Variants in SGCD observed in about 807,000 individuals in gnomAD.
SGCD encodes sarcoglycan delta.
A neutral mutation model predicts 36.6 loss-of-function variants in SGCD; 18 were observed. The ratio of observed to expected loss-of-function variants is 0.49; its 90% confidence interval spans 0.34 to 0.73. The LOEUF is 0.73. Among genes scored for constraint, SGCD ranks in the 30% least tolerant of loss-of-function variants. The pLI is 0.01. For synonymous variants in SGCD, 133 were observed against 130.6 expected (o/e 1.02, Z -0.12); for missense variants, 387 against 346.7 (o/e 1.12, Z -0.92).
chr5:156,505,283 G>T (rs1170703637), intron 3 of SGCD, among the ~76,000 whole-genome samples: 1 of 152,226 alleles, frequency 6.6e-6, no homozygotes, highest in African/African-American at 2.4e-5. Context: ...TCTTGGCAGA[G>T]CTGTCTCCAT....
At chr5:156,320,097 ATGTGTGTGTGTGTGTG>A (rs10535885) in intron 3 of SGCD, among the ~76,000 whole-genome samples, 2 of 146,198 alleles carry the variant, frequency 1.4e-5, no homozygotes, top group South Asian at 2.2e-4. Flanking sequence ...AGCCTTTGAT[ATGTGTGTGTGTGTGTG>A]TGTGTGTGTG....
chr5:155,979,928 A>T (rs533851442), intron 1 of SGCD, among the ~76,000 whole-genome samples: 1 of 152,274 alleles, frequency 6.6e-6, no homozygotes, highest in South Asian at 2.1e-4. Flanking sequence ...ATATGCATTT[A>T]TATGAATGGT....
At chr5:156,051,317 AT>A (rs1759910208) in intron 1 of SGCD, among the ~76,000 whole-genome samples, 1 of 146,110 alleles carries the variant, frequency 6.8e-6, no homozygotes, top group East Asian at 1.9e-4. Context: ...GTGACACTGC[AT>A]TTCTCTTCTT....
chr5:156,376,982 A>G (rs893128333), intron 3 of SGCD, among the ~76,000 whole-genome samples: 2 of 152,186 alleles, frequency 1.3e-5, no homozygotes, highest in Non-Finnish European at 2.9e-5. Context: ...AATAAAAAAA[A>G]TGACTAAAAA....
intron 1 of SGCD, among the ~76,000 whole-genome samples, chr5:155,920,120 A>G (rs913128596): frequency 1.9e-4 from 29 of 152,172 alleles, no homozygotes; most frequent in Admixed American, 4.6e-4. Context: ...CCATTTAGCC[A>G]CCTCAGCAAT....
chr5:156,609,512 A>G (rs1218990589), intron 6 of SGCD, among the ~76,000 whole-genome samples: 2 of 152,036 alleles, frequency 1.3e-5, no homozygotes, highest in African/African-American at 2.4e-5. Context: ...TGAATCTGAC[A>G]ATTATGTGTC....
At chr5:156,073,400 T>A (rs1443465003) in intron 1 of SGCD, among the ~76,000 whole-genome samples, 1 of 151,832 alleles carries the variant, frequency 6.6e-6, no homozygotes, top group Non-Finnish European at 1.5e-5. Flanking sequence ...TCTACAAAAA[T>A]TGGCCAAAAA....
intron 3 of SGCD, among the ~76,000 whole-genome samples, chr5:156,141,459 T>A (rs78223757): frequency 3.3e-5 from 5 of 152,242 alleles, no homozygotes; most frequent in Non-Finnish European, 7.3e-5. Context: ...AAGCCTGGGC[T>A]CAGGGCCTTG....
rs559899252 is a variant in SGCD at position 156,086,592 on chromosome 5, A to T, written c.-281-31286A>T. ...TGAATGGGCTGGCATCATACCAGGC[A>T]CAGTCAGGTTGTAAATTAACTGCAG... is the stretch of plus-strand genomic sequence containing the variant. On this transcript the variant is annotated intron_variant, in intron 1 of 9. Transcript: ENST00000517913. 1.7e-3 allele frequency among the ~76,000 whole-genome samples: 260 copies of T among 152,318 alleles called. 1 individual carries two copies. Among genetic ancestry groups the T allele is most frequent in the African/African-American group, 5.8e-3 (242 of 41,574 alleles).
intron 3 of SGCD, among the ~76,000 whole-genome samples, chr5:156,296,957 C>T (rs964270003): frequency 6.6e-6 from 1 of 151,712 alleles, no homozygotes; most frequent in East Asian, 1.9e-4. Flanking sequence ...CACATACACA[C>T]ACTATATATA....
chr5:156,545,489 A>AG (rs139962202), intron 4 of SGCD, among the ~76,000 whole-genome samples: 2,657 of 148,802 alleles, frequency 0.018, 31 homozygotes, highest in Non-Finnish European at 0.03. Context: ...TTGGGGGATG[A>AG]GGGGGTAGTT....
chr5:156,042,716 G>T (rs73812919), intron 1 of SGCD, among the ~76,000 whole-genome samples: 30,788 of 152,096 alleles, frequency 0.2, 3,441 homozygotes, highest in African/African-American at 0.29. Flanking sequence ...TGGGCCTGGG[G>T]GGAGCCATCA....
At chr5:155,840,903 C>T in the SGCD span, among the ~76,000 whole-genome samples, 1 of 149,830 alleles carries the variant, frequency 6.7e-6, no homozygotes, top group East Asian at 2.0e-4. Flanking sequence ...CTCAGCTATT[C>T]AGGAGGCTGA....
At chr5:156,326,144 G>C (rs975383299), upstream of SGCD, among the ~76,000 whole-genome samples, 3 of 152,140 alleles carry the variant, frequency 2.0e-5, no homozygotes, top group Non-Finnish European at 4.4e-5. Flanking sequence ...ACTTTGCTCT[G>C]GCTCTTTAGA....
rs12521847 is a variant in SGCD, at chr5:155,937,956, A to G, written c.-282+67532A>G. ...TTTACCTGTGGCCTGTAGCTTGCCA[A>G]TGACCTAGTCAGGATTTGAACCCGG... On this transcript the variant is annotated intron_variant, in intron 1 of 9. Transcript: ENST00000517913. Among the ~76,000 whole-genome samples the G allele has an allele frequency of 2.5e-3, 377 of 152,320 alleles. 4 individuals carry two copies. The highest frequency in any genetic ancestry group is 0.014 in the Admixed American group (210 of 15,300).
chr5:156,736,146 G>A (rs1756351984), intron 7 of SGCD, among the ~76,000 whole-genome samples: 1 of 152,074 alleles, frequency 6.6e-6, no homozygotes, highest in East Asian at 1.9e-4. Flanking sequence ...TCCCAGTGTT[G>A]ACTGTCTGGA....
intron 3 of SGCD, among the ~76,000 whole-genome samples, chr5:156,495,238 A>G (rs925613110): frequency 6.6e-6 from 1 of 152,144 alleles, no homozygotes; most frequent in Non-Finnish European, 1.5e-5. Flanking sequence ...ACATAATTGC[A>G]TAAATTGGTG....
chr5:156,508,863 G>A (rs1228158402), intron 4 of SGCD, among the ~76,000 whole-genome samples, 161 bp downstream of exon 4: 4 of 152,134 alleles, frequency 2.6e-5, no homozygotes, highest in African/African-American at 9.7e-5. Context: ...TATCATCACA[G>A]CAGTGGTACT....
chr5:156,508,004 A>G (rs1756777670), intron 3 of SGCD, among the ~76,000 whole-genome samples: 1 of 152,162 alleles, frequency 6.6e-6, no homozygotes, highest in Admixed American at 6.5e-5. Flanking sequence ...TGTAGGTGGC[A>G]GTAATAGATA....
Sources: gnomAD v4.1 joint callset for allele counts (sites outside exome capture counted in the v4.1 genomes callset) on GRCh38, gnomAD v4.1.1 for gene constraint, MANE v1.5 for transcripts, NCBI Gene and HGNC (gene_info 2026-07-23, HGNC 2026-07-21) for gene names.